PHF21A: variants seen among roughly 807,000 people sequenced by gnomAD.
The protein encoded by PHF21A is PHD finger protein 21A.
In PHF21A, 11 loss-of-function variants were observed where a neutral mutation model predicts 82.5. That is an observed-to-expected ratio of 0.13 (90% CI 0.08 to 0.22). The LOEUF is 0.22. Ranked by LOEUF, PHF21A falls within the 10% of genes least tolerant of loss-of-function variation. The pLI is 1.00. For missense variants in PHF21A, 579 were observed against 837.8 expected (o/e 0.69, Z 3.81); for synonymous variants, 297 against 302.8 (o/e 0.98, Z 0.20).
At chr11:46,045,845 C>T (rs1233053443) in intron 6 of PHF21A, among the ~76,000 whole-genome samples, 1 of 152,080 alleles carries the variant, frequency 6.6e-6, no homozygotes, top group African/African-American at 2.4e-5. Flanking sequence ...TAAGACTCTG[C>T]TCATGGTTTA....
chr11:45,966,006 C>T (rs1389009832), intron 9 of PHF21A, among the ~76,000 whole-genome samples: 1 of 152,166 alleles, frequency 6.6e-6, no homozygotes, highest in Non-Finnish European at 1.5e-5. Context: ...TTCTGGCCCT[C>T]TAACTCCCTG....
At chr11:46,007,230 T>C (rs1280684484) in intron 6 of PHF21A, among the ~76,000 whole-genome samples, 1 of 152,100 alleles carries the variant, frequency 6.6e-6, no homozygotes, top group Non-Finnish European at 1.5e-5. Flanking sequence ...AAGGGCCCCC[T>C]GTCTTTTCAA....
At chr11:45,955,731 TGGTGGAG>T in intron 10 of PHF21A, among the ~76,000 whole-genome samples, 1 of 152,324 alleles carries the variant, frequency 6.6e-6, no homozygotes, top group East Asian at 1.9e-4. Context: ...ACATTGGTGG[TGGTGGAG>T]GGTGTCTTTC....
intron 1 of PHF21A, among the ~76,000 whole-genome samples, chr11:46,118,417 TAAA>T (rs10718245): frequency 4.9e-4 from 65 of 131,470 alleles, no homozygotes; most frequent in Middle Eastern, 3.7e-3. Context: ...AGTCTGATGT[TAAA>T]AAAAAAAAAA....
At chr11:46,095,107 T>G (rs1391647720) in intron 1 of PHF21A, among the ~76,000 whole-genome samples, 1 of 152,124 alleles carries the variant, frequency 6.6e-6, no homozygotes. Context: ...GACTAATGAT[T>G]CTTAAACACT....
chr11:45,934,064 G>C lies in PHF21A; in HGVS notation c.1950C>G (p.Cys650Trp). ...TVGAISNGPD[C>W]TPPANAATST... ...AGGTGGCGGCATTGGCAGGGGGGGT[G>C]CAGTCCGGGCCATTGGAGATGGCCC... Residue 650 changes from cysteine to tryptophan, a missense_variant, in exon 19 of 19, where the codon TGC becomes TGG. By Grantham distance (215) the Cys-to-Trp change is radical (BLOSUM62 -2). Around this residue, in one of 3 missense-constraint regions of PHF21A, gnomAD observed 157 missense variants for 149.4 expected, o/e 1.05. Coordinates refer to ENST00000676320, the MANE Select transcript of PHF21A (RefSeq NM_001352027.3). 1 of 1,613,808 alleles carries C rather than the reference G, an allele frequency of 6.2e-7. No individual in the cohort carries two copies. Among genetic ancestry groups the C allele is most frequent in the Non-Finnish European group, 8.5e-7 (1 of 1,179,808 alleles).
At chr11:45,992,338 C>A (rs2094734930) in intron 6 of PHF21A, among the ~76,000 whole-genome samples, 1 of 151,260 alleles carries the variant, frequency 6.6e-6, no homozygotes, top group African/African-American at 2.4e-5. Flanking sequence ...CAAGACCATC[C>A]TGGCTAACAT....
At position 46,121,284 on chromosome 11, in the gene PHF21A, T is replaced by TC. The variant is rs1336856908; in HGVS notation, c.-587dup. 2 of 150,680 alleles carry TC rather than the reference T, an allele frequency of 1.3e-5. No individual in the cohort carries two copies. The highest frequency in any genetic ancestry group is 2.9e-5 in the Non-Finnish European group (2 of 68,408). 9.3% of individuals were successfully genotyped at this position (150,680 alleles called of 1,614,324 possible). A position where few individuals can be genotyped will look rare whatever the true frequency, so the allele number is the denominator to read the frequency against. On this transcript the variant is annotated 5_prime_UTR_variant, in exon 1 of 19. Coordinates refer to ENST00000676320, the MANE Select transcript of PHF21A (RefSeq NM_001352027.3). Reference sequence around the variant, plus strand: ...GGGGGGAGGAACTGGATCCTCCTCCTCCTCCAGGAGGGACACACACAGGCC... The same window carrying TC: ...GGGGGGAGGAACTGGATCCTCCTCCTCCCTCCAGGAGGGACACACACAGGCC...
At chr11:45,949,816 T>C (rs901033798) in intron 12 of PHF21A, among the ~76,000 whole-genome samples, 14 of 152,226 alleles carry the variant, frequency 9.2e-5, no homozygotes, top group African/African-American at 3.1e-4. Context: ...TAACCAAAGT[T>C]CATCATTCTT....
At chr11:46,053,938 C>G (rs1194157862) in intron 6 of PHF21A, among the ~76,000 whole-genome samples, 1 of 152,156 alleles carries the variant, frequency 6.6e-6, no homozygotes, top group Non-Finnish European at 1.5e-5. Flanking sequence ...CATTCACTTT[C>G]TCTTGGAGAA....
intron 18 of PHF21A, chr11:45,934,920 C>A: frequency 2.6e-6 from 1 of 379,668 alleles, no homozygotes; most frequent in South Asian, 2.0e-5. Context: ...GAGGAGAAAG[C>A]AGGTAAGCAG....
At chr11:46,024,766 C>G (rs2138014651) in intron 6 of PHF21A, among the ~76,000 whole-genome samples, 1 of 152,210 alleles carries the variant, frequency 6.6e-6, no homozygotes, top group African/African-American at 2.4e-5. Flanking sequence ...TGCCACTGCA[C>G]TCCAGCCTGG....
chr11:45,979,310 A>T (rs2136273959), intron 7 of PHF21A, among the ~76,000 whole-genome samples: 1 of 152,162 alleles, frequency 6.6e-6, no homozygotes, highest in African/African-American at 2.4e-5. Flanking sequence ...TGAGCTACTG[A>T]GCCCAGCCAT....
At chr11:46,075,442 G>A (rs1226206793) in intron 6 of PHF21A, among the ~76,000 whole-genome samples, 1 of 152,206 alleles carries the variant, frequency 6.6e-6, no homozygotes, top group African/African-American at 2.4e-5. Flanking sequence ...AGGAGGCTCA[G>A]CGCTAACAGA....
chr11:46,073,327 C>CAAAA (rs748320509), intron 6 of PHF21A, among the ~76,000 whole-genome samples: 1 of 84,172 alleles, frequency 1.2e-5, no homozygotes, highest in Non-Finnish European at 2.5e-5. Context: ...GACCCCGTCT[C>CAAAA]AAAAAAAAAA....
chr11:45,950,589 G>A (rs1160071653), intron 11 of PHF21A, among the ~76,000 whole-genome samples: 2 of 152,158 alleles, frequency 1.3e-5, no homozygotes, highest in Non-Finnish European at 2.9e-5. Context: ...AATTTGTGTG[G>A]GGCCGCATTC....
At chr11:45,985,929 C>T (rs191277165) in intron 6 of PHF21A, among the ~76,000 whole-genome samples, 9 of 152,144 alleles carry the variant, frequency 5.9e-5, no homozygotes, top group Non-Finnish European at 1.2e-4. Context: ...ACAACAGCAG[C>T]AACTGTAATT....
chr11:46,107,319 T>C (rs1159555232), intron 1 of PHF21A, among the ~76,000 whole-genome samples: 2 of 152,342 alleles, frequency 1.3e-5, no homozygotes, highest in African/African-American at 4.8e-5. Context: ...GTCAAATTCT[T>C]GTCTCTCAGT....
chr11:46,007,929 T>C (rs2095333355), intron 6 of PHF21A, among the ~76,000 whole-genome samples: 2 of 152,360 alleles, frequency 1.3e-5, no homozygotes, highest in Non-Finnish European at 2.9e-5. Flanking sequence ...GTTGTTATGT[T>C]ATTTTCATTT....
Sources: gnomAD v4.1 joint callset for allele counts (sites outside exome capture counted in the v4.1 genomes callset) on GRCh38, gnomAD v4.1.1 for gene constraint, gnomAD v4.1.1 regional missense constraint, MANE v1.5 for transcripts, NCBI Gene and HGNC (gene_info 2026-07-23, HGNC 2026-07-21) for gene names.